The following SLC4A4 variants were observed in gnomAD, a reference collection of about 807,000 sequenced individuals.
SLC4A4 encodes the protein solute carrier family 4 member 4.
Under a neutral mutation model 111.5 loss-of-function variants are expected in SLC4A4, and 27 were observed. The ratio of observed to expected loss-of-function variants is 0.24; its 90% CI spans 0.18 to 0.33. SLC4A4 has a LOEUF of 0.33. Ranked by LOEUF, SLC4A4 falls within the 10% of genes least tolerant of loss-of-function variation. The pLI is 1.00. For synonymous variants in SLC4A4, 443 were observed against 463.4 expected (o/e 0.96, Z 0.57); for missense variants, 909 against 1,315.5 (o/e 0.69, Z 4.78).
intron 2 of SLC4A4, among the ~76,000 whole-genome samples, chr4:71,145,863 G>T (rs918501885): frequency 1.1e-4 from 16 of 151,882 alleles, no homozygotes; most frequent in Non-Finnish European, 1.8e-4. Flanking sequence ...CCTTGCTAGC[G>T]GTCTATCAAT....
At chr4:71,425,300 A>G (rs13152390) in intron 7 of SLC4A4, among the ~76,000 whole-genome samples, 26,306 of 152,120 alleles carry the variant, frequency 0.17, 2,551 homozygotes, top group South Asian at 0.31. Context: ...GAACACTGGT[A>G]AACTATATAG....
intron 2 of SLC4A4, among the ~76,000 whole-genome samples, chr4:71,126,309 T>C (rs979206559): frequency 6.6e-6 from 1 of 152,196 alleles, no homozygotes; most frequent in Non-Finnish European, 1.5e-5. Context: ...TATTTTGTAG[T>C]GAGCCACATA....
At chr4:71,390,066 G>T (rs1719120275) in intron 6 of SLC4A4, among the ~76,000 whole-genome samples, 1 of 152,054 alleles carries the variant, frequency 6.6e-6, no homozygotes, top group Admixed American at 6.6e-5. Context: ...GGGTGTGGGG[G>T]ATGGAAGTGG....
At chr4:71,529,517 A>G (rs1387860689) in intron 16 of SLC4A4, among the ~76,000 whole-genome samples, 1 of 152,060 alleles carries the variant, frequency 6.6e-6, no homozygotes, top group African/African-American at 2.4e-5. Flanking sequence ...TCAGTTTGCC[A>G]TGTAGGTTTT....
chr4:71,535,842 G>A (rs1342405383), intron 18 of SLC4A4, among the ~76,000 whole-genome samples: 1 of 114,190 alleles, frequency 8.8e-6, no homozygotes, highest in Admixed American at 1.0e-4. Flanking sequence ...ATCTAACATG[G>A]AGAGTAAAAC....
intron 2 of SLC4A4, among the ~76,000 whole-genome samples, chr4:71,093,961 C>T (rs531873644): frequency 6.6e-6 from 1 of 152,172 alleles, no homozygotes; most frequent in East Asian, 1.9e-4. Context: ...CTCACCCTGG[C>T]TGATGAGATT....
chr4:71,395,561 A>G (rs936881961), intron 6 of SLC4A4, among the ~76,000 whole-genome samples: 7 of 152,192 alleles, frequency 4.6e-5, no homozygotes, highest in Non-Finnish European at 8.8e-5. Flanking sequence ...ATGAGACGGT[A>G]TATAAGGTTT....
rs912916612 is a variant in SLC4A4 at position 71,286,395 on chromosome 4, A to G, written c.253+30996A>G. On this transcript the variant is annotated intron_variant, in intron 3 of 25. Transcript: ENST00000264485. Reference sequence around the variant, plus strand: ...TTAAAAGCACTGGATGTAAAGGACCATATGCTTTTGTACTGATCAGCTGGT... The same window carrying G: ...TTAAAAGCACTGGATGTAAAGGACCGTATGCTTTTGTACTGATCAGCTGGT... Among the ~76,000 whole-genome samples, 3 of 152,224 alleles carry G rather than the reference A, an allele frequency of 2.0e-5. No individual in the cohort carries two copies. In the East Asian group the frequency reaches 5.8e-4, roughly 29 times the overall value.
At position 71,440,611 on chromosome 4, in the gene SLC4A4, T is replaced by C. The variant is rs763493325; in HGVS notation, c.808-5T>C. 8.7e-6 allele frequency: 14 copies of C among 1,614,044 alleles called. 1 individual carries two copies. The highest frequency in any genetic ancestry group is 5.0e-5 in the Admixed American group (3 of 60,006). On this transcript the variant is annotated splice_polypyrimidine_tract_variant and splice_region_variant and intron_variant, in intron 7 of 25. Coordinates refer to ENST00000264485, the MANE Select transcript of SLC4A4 (RefSeq NM_001098484.3). ...AATTGTGTTTCCTTGGTTCTTCTCA[T>C]GCAGCTGAAGAATAAGTTCATGAAA...
chr4:71,544,770 T>C (rs1336688883), intron 18 of SLC4A4, among the ~76,000 whole-genome samples: 1 of 152,096 alleles, frequency 6.6e-6, no homozygotes. Flanking sequence ...GTTCTGATAG[T>C]TCTCCGTAGT....
Position 71,547,846 on chromosome 4 carries a change from G to A in SLC4A4, c.2694+126G>A, listed in dbSNP as rs191588846. ...TCAGTTCTGTAACACACTGAAGCAGGGGTCAAGTAGAAAGAGAGCTTTAAA... is the reference window on the plus strand; with the variant it reads ...TCAGTTCTGTAACACACTGAAGCAGAGGTCAAGTAGAAAGAGAGCTTTAAA... On this transcript the variant is annotated intron_variant, in intron 20 of 25. Transcript: ENST00000264485. 3,167 of 819,338 alleles carry A rather than the reference G, an allele frequency of 3.9e-3. 28 individuals are homozygous for A. Among genetic ancestry groups the A allele is most frequent in the South Asian group, 9.9e-3 (725 of 73,074 alleles). 50.8% of individuals were successfully genotyped at this position (819,338 alleles called of 1,614,324 possible).
At chr4:71,327,800 C>T (rs116128542) in intron 3 of SLC4A4, among the ~76,000 whole-genome samples, 2,060 of 151,886 alleles carry the variant, frequency 0.014, 52 homozygotes, top group African/African-American at 0.047. Context: ...GGGTATCCAT[C>T]ACTTCAAGCA....
chr4:71,124,422 G>A (rs1043938292), intron 2 of SLC4A4, among the ~76,000 whole-genome samples: 1 of 151,690 alleles, frequency 6.6e-6, no homozygotes, highest in Non-Finnish European at 1.5e-5. Flanking sequence ...CACCCCCCTC[G>A]ACCTCCCAAA....
chr4:71,527,108 G>T (rs1249927643), intron 16 of SLC4A4, among the ~76,000 whole-genome samples: 3 of 152,018 alleles, frequency 2.0e-5, no homozygotes, highest in Non-Finnish European at 4.4e-5. Context: ...TAGGACGTGG[G>T]CATCTTTAGG....
At position 71,525,619 on chromosome 4, in the gene SLC4A4, A is replaced by G. The variant is rs1031245321; in HGVS notation, c.2167-6443A>G. Among the ~76,000 whole-genome samples the G allele has an allele frequency of 7.2e-5, 11 of 152,242 alleles. No individual in the cohort carries two copies. The East Asian group carries it at 1.5e-3, about 21-fold the overall frequency. ...GAGACTTAACATTTGATTTGGATGGACAACCACAATTTATGATGTTTGTTC... is the reference window on the plus strand; with the variant it reads ...GAGACTTAACATTTGATTTGGATGGGCAACCACAATTTATGATGTTTGTTC... On this transcript the variant is annotated intron_variant, in intron 16 of 25. Transcript: ENST00000264485.
chr4:71,326,097 A>G (rs1302030499), intron 3 of SLC4A4, among the ~76,000 whole-genome samples: 1 of 151,866 alleles, frequency 6.6e-6, no homozygotes, highest in African/African-American at 2.4e-5. Flanking sequence ...TCCATGCCTC[A>G]TGCCCCTTCT....
chr4:71,339,606 T>C (rs1366763037), intron 4 of SLC4A4, 101 bp downstream of exon 4: 9 of 1,105,164 alleles, frequency 8.1e-6, no homozygotes, highest in Non-Finnish European at 6.9e-6. Context: ...GCACTTTGAA[T>C]GGCCAATGGG....
intron 2 of SLC4A4, among the ~76,000 whole-genome samples, chr4:71,114,622 A>G (rs1427147431): frequency 6.7e-6 from 1 of 149,066 alleles, no homozygotes; most frequent in African/African-American, 2.6e-5. Flanking sequence ...AATGCAAATC[A>G]AAACCACAAT....
At chr4:71,067,925 T>C (rs186274273) in intron 1 of SLC4A4, among the ~76,000 whole-genome samples, 1 of 151,980 alleles carries the variant, frequency 6.6e-6, no homozygotes, top group South Asian at 2.1e-4. Flanking sequence ...TTTTTAAAAA[T>C]TTTTGTAGAG....
Sources: allele counts gnomAD v4.1 joint callset (sites outside exome capture counted in the v4.1 genomes callset), GRCh38; gene constraint gnomAD v4.1.1; transcripts MANE v1.5; gene names NCBI Gene and HGNC (gene_info 2026-07-23, HGNC 2026-07-21).